Variants in MYCBP2 observed in about 807,000 individuals in gnomAD.
MYCBP2 encodes the protein E3 ubiquitin-protein ligase MYCBP2.
MYCBP2 carries 120 observed loss-of-function variants against 525.3 expected under a neutral mutation model. The observed-to-expected ratio is 0.23, with a 90% CI of 0.20 to 0.27. MYCBP2 has a LOEUF of 0.27. Ranked by LOEUF, MYCBP2 falls within the 10% of genes least tolerant of loss-of-function variation. MYCBP2 has a pLI of 1.00. For missense variants in MYCBP2, 4,149 were observed against 5,657.1 expected (o/e 0.73, Z 8.55); for synonymous variants, 1,894 against 1,955.8 (o/e 0.97, Z 0.83).
Position 77,098,305 on chromosome 13 carries a change from G to A in MYCBP2, c.8849C>T (p.Thr2950Ile), listed in dbSNP as rs775980043. The A allele has an allele frequency of 2.5e-6, 4 of 1,611,542 alleles. No homozygotes were observed. The highest frequency in any genetic ancestry group is 2.5e-6 in the Non-Finnish European group (3 of 1,179,764). ...TLKTNSLTDS[T>I]CDDSSEFKSV... is the part of the protein sequence containing the mutation. ...CTTAAATTCACTGCTGTCATCGCAG[G>A]TGCTGTCTGTTAGACTATTTGTTTT... The change falls in exon 56 of 83, where the codon ACC becomes ATC. Residue 2950 changes from threonine (T) to isoleucine (I), a missense_variant. Thr to Ile is a moderately conservative substitution (Grantham distance 89). Transcript: ENST00000544440.
At position 77,297,314 on chromosome 13, in the gene MYCBP2, T is replaced by C. The variant is rs187153352; in HGVS notation, c.303-640A>G. 1.4e-3 allele frequency among the ~76,000 whole-genome samples: 207 copies of C among 152,370 alleles called. 1 individual carries two copies. Among genetic ancestry groups the C allele is most frequent in the Admixed American group, 0.011 (174 of 15,300 alleles). The stretch of plus-strand genomic sequence containing the variant: ...TTCATTTCACTTAATATGTTTTATG[T>C]TCACCATGCTGAGATGCAAAGTAGT... On this transcript the variant is annotated intron_variant, in intron 1 of 82. Coordinates refer to ENST00000544440, the MANE Select transcript of MYCBP2 (RefSeq NM_015057.5).
At chr13:77,283,180 T>C (rs2076377702) in intron 3 of MYCBP2, among the ~76,000 whole-genome samples, 1 of 152,178 alleles carries the variant, frequency 6.6e-6, no homozygotes. Flanking sequence ...AGTCTGATGA[T>C]ATTCTTTTGC....
At chr13:77,161,399 T>C (rs192672911) in intron 44 of MYCBP2, among the ~76,000 whole-genome samples, 1 of 152,140 alleles carries the variant, frequency 6.6e-6, no homozygotes, top group East Asian at 1.9e-4. Flanking sequence ...CAAACAATAA[T>C]AAAAACAACA....
At chr13:77,175,910 T>TC (rs1484125441) in intron 36 of MYCBP2, among the ~76,000 whole-genome samples, 2 of 149,260 alleles carry the variant, frequency 1.3e-5, no homozygotes, top group African/African-American at 2.5e-5. Flanking sequence ...TGAGCCAAGA[T>TC]CACACCACTG....
rs180829765 is a variant in MYCBP2, at chr13:77,271,060, G to A, written c.946-522C>T. ...CGATTTGTTTTTTTTCCTAATGTCT[G>A]ACTACTTTTTATATTCTCACTACTT... On this transcript the variant is annotated intron_variant, in intron 5 of 82. Coordinates refer to ENST00000544440, the MANE Select transcript of MYCBP2 (RefSeq NM_015057.5). 4.3e-3 allele frequency among the ~76,000 whole-genome samples: 652 copies of A among 151,812 alleles called. 2 individuals are homozygous for A. The highest frequency in any genetic ancestry group is 0.014 in the African/African-American group (566 of 41,390).
At chr13:77,299,366 C>T (rs989125548) in intron 1 of MYCBP2, among the ~76,000 whole-genome samples, 26 of 152,060 alleles carry the variant, frequency 1.7e-4, no homozygotes, top group African/African-American at 6.0e-4. Flanking sequence ...GAATCTGAAC[C>T]CATCAATTCT....
At chr13:77,288,989 T>C (rs749363153) in intron 2 of MYCBP2, among the ~76,000 whole-genome samples, 1 of 152,166 alleles carries the variant, frequency 6.6e-6, no homozygotes, top group Admixed American at 6.5e-5. Flanking sequence ...GTTTCTCTTT[T>C]ATGCCCAATA....
chr13:77,160,153 G>A (rs1452454330), intron 44 of MYCBP2, among the ~76,000 whole-genome samples: 1 of 147,944 alleles, frequency 6.8e-6, no homozygotes, highest in Non-Finnish European at 1.5e-5. Context: ...CTCAACCTCC[G>A]ACTCCCGGGT....
intron 52 of MYCBP2, chr13:77,129,204 G>A (rs2052282951): frequency 7.5e-6 from 3 of 397,790 alleles, no homozygotes; most frequent in Non-Finnish European, 1.3e-5. Context: ...CCAAATCCCT[G>A]ACTCCTTGGC....
chr13:77,247,098 G>T (rs2070173876), intron 15 of MYCBP2, among the ~76,000 whole-genome samples: 1 of 152,132 alleles, frequency 6.6e-6, no homozygotes, highest in Non-Finnish European at 1.5e-5. Flanking sequence ...AGCACTAGAA[G>T]TTCTAGCCAG....
At chr13:77,275,994 A>C (rs558710109) in intron 4 of MYCBP2, among the ~76,000 whole-genome samples, 1 of 152,310 alleles carries the variant, frequency 6.6e-6, no homozygotes, top group East Asian at 1.9e-4. Context: ...AAAAAACAAA[A>C]AAGGACTCTC....
chr13:77,244,232 A>C (rs543030324), intron 15 of MYCBP2, among the ~76,000 whole-genome samples: 1 of 152,338 alleles, frequency 6.6e-6, no homozygotes, highest in East Asian at 1.9e-4. Context: ...CTTTAAAAAC[A>C]ATCCTTTAAA....
At chr13:77,242,331 G>C (rs1161385716) in intron 17 of MYCBP2, among the ~76,000 whole-genome samples, 1 of 152,146 alleles carries the variant, frequency 6.6e-6, no homozygotes, top group Admixed American at 6.5e-5. Flanking sequence ...GGCCAGGATG[G>C]TCTTGATCTC....
chr13:77,186,363 C>CT (rs1384187518), intron 30 of MYCBP2, among the ~76,000 whole-genome samples: 1 of 152,106 alleles, frequency 6.6e-6, no homozygotes, highest in Admixed American at 6.5e-5. Flanking sequence ...TGCTACCCAG[C>CT]TATCTAGCTT....
intron 55 of MYCBP2, among the ~76,000 whole-genome samples, chr13:77,107,137 T>C (rs2047979630): frequency 6.6e-6 from 1 of 152,180 alleles, no homozygotes; most frequent in Admixed American, 6.5e-5. Flanking sequence ...TTTCCTCAGC[T>C]TAAGTCCCAG....
rs1345556574 is a variant in MYCBP2 at position 77,058,783 on chromosome 13, G to C, written c.13141-377C>G. Among the ~76,000 whole-genome samples the C allele has an allele frequency of 6.6e-6, 1 of 152,036 alleles. No individual in the cohort carries two copies. Among genetic ancestry groups the C allele is most frequent in the East Asian group, 1.9e-4 (1 of 5,188 alleles). ...GGGCAGATCACGAGATCAGGAGTTT[G>C]AGACCAGCCTGACCAATATGGTGAA... On this transcript the variant is annotated intron_variant, in intron 77 of 82. Coordinates refer to ENST00000544440, the MANE Select transcript of MYCBP2 (RefSeq NM_015057.5). The surrounding 1 kb of genome is among the most constrained non-coding windows in gnomAD (Gnocchi z 4.1).
intron 72 of MYCBP2, 112 bp downstream of exon 72, chr13:77,065,880 T>A: frequency 1.6e-6 from 1 of 634,770 alleles, no homozygotes; most frequent in Non-Finnish European, 2.7e-6. Flanking sequence ...CTACAAATAG[T>A]CTTTAAGTAA....
At chr13:77,325,733 G>A in intron 1 of MYCBP2, among the ~76,000 whole-genome samples, 1 of 152,314 alleles carries the variant, frequency 6.6e-6, no homozygotes, top group South Asian at 2.1e-4. Flanking sequence ...AGAGGATGAA[G>A]AGAAATGGCC....
In MYCBP2 at chr13:77,156,120, T is replaced by C; in HGVS notation, c.6853A>G (p.Thr2285Ala). The C allele has an allele frequency of 1.2e-6, 2 of 1,614,078 alleles. No individual in the cohort carries two copies. Among genetic ancestry groups the C allele is most frequent in the Non-Finnish European group, 1.7e-6 (2 of 1,179,954 alleles). The change falls in exon 46 of 83, where the codon ACC becomes GCC. Residue 2285 changes from threonine to alanine, a missense_variant. Coordinates refer to ENST00000544440, the MANE Select transcript of MYCBP2 (RefSeq NM_015057.5). ...TCTTTTGTTTGAACAGTTATGGTGG[T>C]AGGCCAACCACAACGAATATCATCC... is the stretch of plus-strand genomic sequence containing the variant. The part of the protein sequence containing the change: ...NKDDIRCGWP[T>A]TITVQTKDQY...
Sources: gnomAD v4.1 joint callset for allele counts (sites outside exome capture counted in the v4.1 genomes callset) on GRCh38, gnomAD v4.1.1 for gene constraint, Gnocchi (gnomAD v3.1) non-coding constraint, MANE v1.5 for transcripts, NCBI Gene and HGNC (gene_info 2026-07-23, HGNC 2026-07-21) for gene names.